The following ADCY8 variants were observed in gnomAD, a reference collection of about 807,000 sequenced individuals.
The protein encoded by ADCY8 is adenylate cyclase 8.
ADCY8 carries 51 observed loss-of-function variants against 119.7 expected under a neutral mutation model. The ratio of observed to expected loss-of-function variants is 0.43; its 90% CI spans 0.34 to 0.54. The LOEUF is 0.54. ADCY8 is among the 20% of genes least tolerant of loss of function. The probability of loss-of-function intolerance (pLI) is 0.03; values close to 1 mark genes in which losing one functional copy is unlikely to be tolerated. For missense variants in ADCY8, 1,383 were observed against 1,598.8 expected (o/e 0.87, Z 2.30); for synonymous variants, 665 against 651.0 (o/e 1.02, Z -0.33).
chr8:131,015,719 T>A (rs1823454144), intron 1 of ADCY8, among the ~76,000 whole-genome samples: 1 of 152,194 alleles, frequency 6.6e-6, no homozygotes, highest in Non-Finnish European at 1.5e-5. Flanking sequence ...TTATTTTTTA[T>A]AATGACAAGT....
At chr8:131,019,839 GTCTGTC>G (rs1449191889) in intron 1 of ADCY8, among the ~76,000 whole-genome samples, 250 of 75,966 alleles carry the variant, frequency 3.3e-3, no homozygotes, top group Non-Finnish European at 3.9e-3. Flanking sequence ...CTCTCTCTCT[GTCTGTC>G]TCTCTCTCTC....
chr8:130,802,959 C>T (rs1246427908), intron 14 of ADCY8, among the ~76,000 whole-genome samples: 4 of 152,184 alleles, frequency 2.6e-5, no homozygotes, highest in Non-Finnish European at 4.4e-5. Flanking sequence ...ATTTCCCAGC[C>T]GGATTAAGCT....
intron 15 of ADCY8, among the ~76,000 whole-genome samples, chr8:130,797,574 C>T (rs1382289064): frequency 1.3e-5 from 2 of 152,118 alleles, no homozygotes; most frequent in Non-Finnish European, 2.9e-5. Context: ...CAGAGCTGGG[C>T]CCTGGAGACT....
intron 12 of ADCY8, among the ~76,000 whole-genome samples, chr8:130,829,938 A>T (rs1031045053): frequency 2.6e-5 from 4 of 152,132 alleles, no homozygotes; most frequent in Non-Finnish European, 4.4e-5. Context: ...ATGCATGAAC[A>T]TGCCTTTCTT....
chr8:130,822,542 C>G (rs77848529), intron 12 of ADCY8, among the ~76,000 whole-genome samples: 507 of 20,990 alleles, frequency 0.024, 3 homozygotes, highest in African/African-American at 0.053. Flanking sequence ...ATGAATCCAT[C>G]CATCCATCCA....
chr8:130,814,080 G>A lies in ADCY8; in HGVS notation c.2902C>T (p.Arg968Ter), dbSNP rs766740795. 10 of 1,613,874 alleles carry A rather than the reference G, an allele frequency of 6.2e-6. No homozygotes were observed. Among genetic ancestry groups the A allele is most frequent in the African/African-American group, 2.7e-5 (2 of 74,850 alleles). Residue 968 changes from arginine (R) to a stop codon, truncating the protein, a stop_gained, in exon 14 of 18, where the codon CGA (arginine) becomes TGA (stop). Coordinates refer to ENST00000286355, the MANE Select transcript of ADCY8 (RefSeq NM_001115.3). LOFTEE classifies it high-confidence loss of function. ...HVARHFLEKD[R>*]DNEELYSQSY... ...AGCCCCTGGCTCACCTCATTGTCTC[G>A]GTCCTTCTCTAGGAAATGGCGGGCC...
intron 1 of ADCY8, among the ~76,000 whole-genome samples, chr8:131,038,174 C>A (rs946964564): frequency 2.0e-5 from 3 of 152,150 alleles, no homozygotes; most frequent in Admixed American, 1.3e-4. Context: ...ACAGTGCTGG[C>A]AATCTAAACA....
At chr8:131,033,013 C>T (rs1824042607) in intron 1 of ADCY8, among the ~76,000 whole-genome samples, 1 of 152,102 alleles carries the variant, frequency 6.6e-6, no homozygotes, top group African/African-American at 2.4e-5. Context: ...TAATTCTGCC[C>T]CAAAGAGAAA....
intron 17 of ADCY8, among the ~76,000 whole-genome samples, chr8:130,781,354 C>T (rs547557739): frequency 2.4e-4 from 37 of 152,252 alleles, no homozygotes; most frequent in Admixed American, 9.2e-4. Context: ...TGGTCCATGG[C>T]GATGGCTTTC....
At chr8:130,831,366 G>A (rs10109100) in intron 12 of ADCY8, among the ~76,000 whole-genome samples, 5,390 of 152,242 alleles carry the variant, frequency 0.035, 312 homozygotes, top group African/African-American at 0.12. Flanking sequence ...TAATGGAAGA[G>A]GAAGACATGA....
rs1815042725 is a variant in ADCY8, at chr8:130,780,535, T to C, written c.3611A>G (p.Asn1204Ser). 2 of 1,614,036 alleles carry C rather than the reference T, an allele frequency of 1.2e-6. No individual in the cohort carries two copies. Among genetic ancestry groups the C allele is most frequent in the Non-Finnish European group, 1.7e-6 (2 of 1,180,030 alleles). ...AVVLGLVQSL[N>S]RQRQKQLLNE... ...GAGTAGCTGCTTCTGCCTTTGCCTA[T>C]TGAGGGACTGGACAAGTCCCAGGAC... Residue 1204 changes from asparagine to serine, a missense_variant, in exon 18 of 18, where the codon AAT (asparagine) becomes AGT (serine). Physicochemically the swap from Asn to Ser is conservative, Grantham distance 46. Around this residue, in one of 2 missense-constraint regions of ADCY8, gnomAD observed 928 missense variants for 1,163.5 expected, o/e 0.80. Transcript: ENST00000286355.
chr8:130,791,173 A>G (rs1160919166), intron 15 of ADCY8, among the ~76,000 whole-genome samples: 1 of 152,228 alleles, frequency 6.6e-6, no homozygotes, highest in African/African-American at 2.4e-5. Flanking sequence ...AAACAATCAA[A>G]AAGAAATTTT....
rs181851265 is a variant in ADCY8 at position 131,000,896 on chromosome 8, C to A, written c.961-10354G>T. Among the ~76,000 whole-genome samples, 636 of 152,082 alleles carry A rather than the reference C, an allele frequency of 4.2e-3. 5 individuals carry two copies. The highest frequency in any genetic ancestry group is 0.015 in the African/African-American group (618 of 41,494). ...GCCTTTCCAGCACAGTCTAGAAGAC[C>A]AGGTTGGCTTCCAGGTGGCTCTAGG... On this transcript the variant is annotated intron_variant, in intron 1 of 17. Transcript: ENST00000286355.
intron 1 of ADCY8, among the ~76,000 whole-genome samples, chr8:130,998,600 G>T (rs1448221181): frequency 6.6e-6 from 1 of 152,178 alleles, no homozygotes; most frequent in Admixed American, 6.5e-5. Context: ...TACCATCTGT[G>T]TTTCAAGAGT....
At chr8:130,853,802 A>G (rs1464303137) in intron 9 of ADCY8, among the ~76,000 whole-genome samples, 1 of 152,130 alleles carries the variant, frequency 6.6e-6, no homozygotes, top group Non-Finnish European at 1.5e-5. Context: ...AAAGTCTTAT[A>G]TGTTTGAACC....
intron 9 of ADCY8, among the ~76,000 whole-genome samples, chr8:130,867,201 A>G (rs888099391): frequency 3.9e-5 from 6 of 152,216 alleles, no homozygotes; most frequent in Admixed American, 2.6e-4. Context: ...TAGAGCATCT[A>G]TAACCTGGAC....
chr8:130,819,585 CT>C (rs1305923614), intron 13 of ADCY8, among the ~76,000 whole-genome samples: 3 of 152,182 alleles, frequency 2.0e-5, no homozygotes, highest in African/African-American at 7.2e-5. Flanking sequence ...GGATTTCTCA[CT>C]TGTCAATTTA....
chr8:130,994,505 C>T (rs538729646), intron 1 of ADCY8, among the ~76,000 whole-genome samples: 2 of 152,272 alleles, frequency 1.3e-5, no homozygotes, highest in South Asian at 4.1e-4. Flanking sequence ...CCTATTTAGA[C>T]ACATTGCCAC....
At chr8:131,028,351 T>C (rs1329429818) in intron 1 of ADCY8, among the ~76,000 whole-genome samples, 1 of 152,204 alleles carries the variant, frequency 6.6e-6, no homozygotes, top group East Asian at 1.9e-4. Context: ...AAGGGCAATA[T>C]ATCTCTCATA....
Sources: gnomAD v4.1 joint callset for allele counts (sites outside exome capture counted in the v4.1 genomes callset) on GRCh38, gnomAD v4.1.1 for gene constraint, gnomAD v4.1.1 regional missense constraint, MANE v1.5 for transcripts, NCBI Gene and HGNC (gene_info 2026-07-23, HGNC 2026-07-21) for gene names.